Variants in TEX26 observed in about 807,000 individuals in gnomAD.
TEX26 encodes testis expressed 26.
Under a neutral mutation model 35.3 loss-of-function variants are expected in TEX26, and 34 were observed. The ratio of observed to expected loss-of-function variants is 0.96; its 90% CI spans 0.73 to 1.28. The LOEUF is 1.28. Ranked by LOEUF, TEX26 falls within the 50% of genes most tolerant of loss-of-function variation. The pLI, the probability that TEX26 is intolerant of heterozygous loss-of-function variation, is 0.00. For synonymous variants in TEX26, 136 were observed against 111.8 expected (o/e 1.22, Z -1.36); for missense variants, 371 against 330.1 (o/e 1.12, Z -0.96).
chr13:30,938,294 C>A (rs1953347339), intron 1 of TEX26, among the ~76,000 whole-genome samples: 1 of 152,186 alleles, frequency 6.6e-6, no homozygotes, highest in Non-Finnish European at 1.5e-5. Context: ...AGTGTTGTTG[C>A]TGGTATCTAC....
chr13:30,943,246 T>A (rs1953579929), intron 2 of TEX26, among the ~76,000 whole-genome samples: 2 of 152,104 alleles, frequency 1.3e-5, no homozygotes, highest in African/African-American at 4.8e-5. Flanking sequence ...GGTATTTTAT[T>A]TTTTGCAGCT....
intron 6 of TEX26, among the ~76,000 whole-genome samples, chr13:30,971,354 T>G (rs1037460080): frequency 6.6e-6 from 1 of 152,152 alleles, no homozygotes; most frequent in Admixed American, 6.5e-5. Flanking sequence ...TTAAATTATT[T>G]TACAGGATTA....
intron 6 of TEX26, among the ~76,000 whole-genome samples, chr13:30,972,025 C>G (rs550862726): frequency 1.4e-4 from 21 of 152,278 alleles, no homozygotes; most frequent in African/African-American, 3.6e-4. Context: ...AATAAGGAAT[C>G]CTTCTTCTCA....
chr13:30,944,012 A>G (rs763340451), intron 2 of TEX26, among the ~76,000 whole-genome samples: 3 of 152,064 alleles, frequency 2.0e-5, no homozygotes, highest in Non-Finnish European at 4.4e-5. Context: ...ATCTTTTGGA[A>G]TAGTTTCAGT....
intron 4 of TEX26, among the ~76,000 whole-genome samples, chr13:30,964,178 C>A (rs1279706895): frequency 1.3e-5 from 2 of 152,170 alleles, no homozygotes; most frequent in Non-Finnish European, 2.9e-5. Flanking sequence ...GCACCCTATT[C>A]AAAGCTCTGA....
chr13:30,955,355 AC>A (rs1235812435), intron 3 of TEX26, among the ~76,000 whole-genome samples: 3 of 152,204 alleles, frequency 2.0e-5, no homozygotes, highest in Non-Finnish European at 4.4e-5. Flanking sequence ...GGACAGAGGA[AC>A]TTGTTAAACA....
chr13:30,974,119 T>TAAAAAAA lies in TEX26; in HGVS notation c.809-720_809-714dup, dbSNP rs747590592. Among the ~76,000 whole-genome samples the TAAAAAAA allele has an allele frequency of 2.4e-3, 175 of 74,378 alleles. 1 individual carries two copies. The highest frequency in any genetic ancestry group is 3.2e-3 in the Non-Finnish European group (131 of 40,768). 48.8% of individuals were successfully genotyped at this position (74,378 alleles called of 152,430 possible). On this transcript the variant is annotated intron_variant, in intron 6 of 6. Coordinates refer to ENST00000380473, the MANE Select transcript of TEX26 (RefSeq NM_152325.3). ...CTGGGCAATAGAGTGAGCCTCCATCTAAAAAAAAAAAAATATATATATATA... is the reference window on the plus strand; with the variant it reads ...CTGGGCAATAGAGTGAGCCTCCATCTAAAAAAAAAAAAAAAAAAAATATATATATATA...
At position 30,963,481 on chromosome 13, in the gene TEX26, A is replaced by T. The variant is rs1954424677; in HGVS notation, c.470-2741A>T. 2.0e-5 allele frequency among the ~76,000 whole-genome samples: 3 copies of T among 152,232 alleles called. 1 individual carries two copies. Among genetic ancestry groups the T allele is most frequent in the Admixed American group, 2.0e-4 (3 of 15,284 alleles). On this transcript the variant is annotated intron_variant, in intron 4 of 6. Transcript: ENST00000380473. ...ATTTTATAAAGACAACAAAAGCCTC[A>T]ATTTTAAAGAACTAAGCCCATGCTA... is the stretch of plus-strand genomic sequence containing the variant.
At chr13:30,966,092 C>A in intron 4 of TEX26, 130 bp from the exon 5 acceptor site, 2 of 912,176 alleles carry the variant, frequency 2.2e-6, no homozygotes, top group South Asian at 3.1e-5. Flanking sequence ...ACTGACAAAG[C>A]AGAAAATTAT....
intron 3 of TEX26, among the ~76,000 whole-genome samples, chr13:30,953,193 C>G (rs771915640): frequency 6.6e-6 from 1 of 152,142 alleles, no homozygotes; most frequent in Non-Finnish European, 1.5e-5. Context: ...ACCCATTAAG[C>G]AATTACCCCC....
chr13:30,966,516 A>C lies in TEX26; in HGVS notation c.646+118A>C, dbSNP rs7990644. The C allele has an allele frequency of 0.028, 25,487 of 923,344 alleles. 4,427 individuals carry two copies. In the African/African-American group the frequency reaches 0.4, roughly 14 times the overall value. The allele number at this position is 923,344 out of a possible 1,614,324, so 57.2% of individuals were successfully genotyped here. On this transcript the variant is annotated intron_variant, in intron 5 of 6. Transcript: ENST00000380473. ...GCAGTGGCACAATCTTGGCTCACTGAGATCTCCGCCTCCTGGGTTCAAGCG... is the reference window on the plus strand; with the variant it reads ...GCAGTGGCACAATCTTGGCTCACTGCGATCTCCGCCTCCTGGGTTCAAGCG...
intron 4 of TEX26, among the ~76,000 whole-genome samples, chr13:30,965,540 G>A (rs1954497408): frequency 2.0e-5 from 3 of 152,198 alleles, no homozygotes; most frequent in Admixed American, 2.0e-4. Context: ...AATCAGGAAT[G>A]AACTCATTCT....
intron 4 of TEX26, among the ~76,000 whole-genome samples, chr13:30,962,829 GT>G (rs66774469): frequency 0.42 from 61,941 of 148,082 alleles, 14,270 homozygotes; most frequent in East Asian, 0.68. Flanking sequence ...TTTTGTTTTT[GT>G]TTTTTTTTTT....
chr13:30,952,408 T>A (rs993087154), intron 2 of TEX26, among the ~76,000 whole-genome samples: 1 of 152,114 alleles, frequency 6.6e-6, no homozygotes, highest in Admixed American at 6.6e-5. Context: ...TTTAAAAAAA[T>A]TAATGAAATA....
At chr13:30,952,632 C>T in intron 2 of TEX26, 28 bp from the exon 3 acceptor site, 1 of 1,551,528 alleles carries the variant, frequency 6.4e-7, no homozygotes, top group African/African-American at 1.4e-5. Context: ...TAACCTCTAA[C>T]TCTAATTTCT....
chr13:30,950,862 C>G (rs1215229279), intron 2 of TEX26, among the ~76,000 whole-genome samples: 1 of 152,160 alleles, frequency 6.6e-6, no homozygotes, highest in Non-Finnish European at 1.5e-5. Context: ...AGGCTTATTC[C>G]TCGAGACAAT....
rs754999338 is a variant in TEX26, at chr13:30,932,734, A to C, written c.19A>C (p.Arg7=). Residue 7 remains arginine, a synonymous_variant, in exon 1 of 7, where the codon AGG becomes CGG. Coordinates refer to ENST00000380473, the MANE Select transcript of TEX26 (RefSeq NM_152325.3). MEQPGP[R]APDPSLCHHN... ...GGGCAGAATGGAACAGCCTGGGCCC[A>C]GGGCTCCGGATCCCTCTCTCTGCCA... The C allele has an allele frequency of 6.2e-7, 1 of 1,613,638 alleles. No individual in the cohort carries two copies. The highest frequency in any genetic ancestry group is 1.3e-5 in the African/African-American group (1 of 74,932).
At chr13:30,962,658 G>A (rs1474651815) in intron 4 of TEX26, among the ~76,000 whole-genome samples, 2 of 152,174 alleles carry the variant, frequency 1.3e-5, no homozygotes, top group African/African-American at 4.8e-5. Flanking sequence ...TCCTCATTAT[G>A]GAATTAAGGT....
At chr13:30,971,156 C>T (rs1467013196) in intron 6 of TEX26, among the ~76,000 whole-genome samples, 1 of 152,182 alleles carries the variant, frequency 6.6e-6, no homozygotes, top group Non-Finnish European at 1.5e-5. Context: ...TTATTAGAAG[C>T]TGAAAAACAA....
Sources: allele counts gnomAD v4.1 joint callset (sites outside exome capture counted in the v4.1 genomes callset), GRCh38; gene constraint gnomAD v4.1.1; transcripts MANE v1.5; gene names NCBI Gene and HGNC (gene_info 2026-07-23, HGNC 2026-07-21).